Variants in MRPS27 observed in about 807,000 individuals in gnomAD.
The protein encoded by MRPS27 is small ribosomal subunit protein mS27.
Under a neutral mutation model 48.9 loss-of-function variants are expected in MRPS27, and 43 were observed. That is an observed-to-expected ratio of 0.88 (90% CI 0.69 to 1.13). MRPS27 has a LOEUF of 1.13. Ranked by LOEUF, MRPS27 falls within the 50% of genes most tolerant of loss-of-function variation. The pLI, the probability that MRPS27 is intolerant of heterozygous loss-of-function variation, is 0.00. For missense variants in MRPS27, 467 were observed against 476.3 expected (o/e 0.98, Z 0.18); for synonymous variants, 188 against 171.9 (o/e 1.09, Z -0.73).
chr5:72,263,622 A>G (rs2112005808), intron 4 of MRPS27, among the ~76,000 whole-genome samples: 1 of 151,842 alleles, frequency 6.6e-6, no homozygotes, highest in Admixed American at 6.6e-5. Context: ...CAAAGAAGAT[A>G]AACAACTGGC....
chr5:72,279,036 T>C (rs1469134700), intron 4 of MRPS27, among the ~76,000 whole-genome samples: 2 of 152,218 alleles, frequency 1.3e-5, no homozygotes, highest in Admixed American at 1.3e-4. Flanking sequence ...AAGATGACCA[T>C]GCCCATCCTC....
At position 72,297,666 on chromosome 5, in the gene MRPS27, C is replaced by T. The variant is rs1158231800; in HGVS notation, c.188G>A (p.Arg63Lys). The change falls in exon 3 of 11, where the codon AGA becomes AAA. Residue 63 changes from arginine (R) to lysine (K), a missense_variant. Coordinates refer to ENST00000261413, the MANE Select transcript of MRPS27 (RefSeq NM_015084.3). The part of the protein sequence containing the change: ...LASLMDKTFE[R>K]KLPVSSLTIS... ...TGTTAAAGAACTAACAGGCAACTTT[C>T]TCTCAAATGTTTTATCCATTAAAGA... 18 of 1,602,910 alleles carry T rather than the reference C, an allele frequency of 1.1e-5. No individual in the cohort carries two copies. Among genetic ancestry groups the T allele is most frequent in the Non-Finnish European group, 1.4e-5 (16 of 1,175,090 alleles).
At chr5:72,298,807 C>A (rs1318736161) in intron 2 of MRPS27, among the ~76,000 whole-genome samples, 3 of 151,550 alleles carry the variant, frequency 2.0e-5, no homozygotes, top group African/African-American at 7.3e-5. Context: ...AACATTCTAC[C>A]AAAAAGACAT....
chr5:72,292,203 GTTTTTTTTT>G, intron 4 of MRPS27, among the ~76,000 whole-genome samples: 2 of 92,154 alleles, frequency 2.2e-5, no homozygotes, highest in East Asian at 6.5e-4. Flanking sequence ...GGTATTACCA[GTTTTTTTTT>G]TTTTTTTTTT....
chr5:72,251,179 A>C (rs1278123583), intron 4 of MRPS27, among the ~76,000 whole-genome samples: 1 of 152,172 alleles, frequency 6.6e-6, no homozygotes, highest in Non-Finnish European at 1.5e-5. Flanking sequence ...TGTGCAGCAA[A>C]GACCTGACTG....
intron 4 of MRPS27, among the ~76,000 whole-genome samples, chr5:72,273,836 GA>G (rs975104073): frequency 6.6e-6 from 1 of 152,056 alleles, no homozygotes; most frequent in African/African-American, 2.4e-5. Flanking sequence ...TAAATTTATG[GA>G]AAGAAATTTC....
In MRPS27 at chr5:72,278,865, A is replaced by G. The variant is rs11741346; in HGVS notation, c.281+16666T>C. ...GTTGTATGGTATTCCATTGTAAAAA[A>G]AAGTCTATCACATTTTTCTTCTTTT... On this transcript the variant is annotated intron_variant, in intron 4 of 10. Coordinates refer to ENST00000261413, the MANE Select transcript of MRPS27 (RefSeq NM_015084.3). 2.4e-3 allele frequency among the ~76,000 whole-genome samples: 359 copies of G among 152,354 alleles called. 1 individual carries two copies. The highest frequency in any genetic ancestry group is 4.2e-3 in the Non-Finnish European group (284 of 68,032).
chr5:72,226,068 A>G lies in MRPS27; in HGVS notation c.826T>C (p.Cys276Arg), dbSNP rs759044166. Residue 276 changes from cysteine to arginine, a missense_variant, in exon 9 of 11, where the codon TGT becomes CGT. Transcript: ENST00000261413. ...VAASPEDIKL[C>R]REALDVLGAV... is the part of the protein sequence containing the mutation. ...GCTGAAGAACATACCGCTTCTCTAC[A>G]CAGCTTTATGTCTTCTGGGGAGGCA... The G allele has an allele frequency of 6.2e-7, 1 of 1,613,482 alleles. No individual in the cohort carries two copies. The highest frequency in any genetic ancestry group is 8.5e-7 in the Non-Finnish European group (1 of 1,179,584).
chr5:72,296,007 C>T (rs1164882131), intron 3 of MRPS27, among the ~76,000 whole-genome samples: 1 of 151,986 alleles, frequency 6.6e-6, no homozygotes, highest in Non-Finnish European at 1.5e-5. Flanking sequence ...AAAACTATTG[C>T]CCAGAACATA....
chr5:72,250,732 AAC>A (rs1748642889), intron 4 of MRPS27, among the ~76,000 whole-genome samples: 1 of 152,206 alleles, frequency 6.6e-6, no homozygotes, highest in South Asian at 2.1e-4. Flanking sequence ...TTTGGAACCA[AAC>A]ACAGTAAAAA....
intron 4 of MRPS27, among the ~76,000 whole-genome samples, chr5:72,293,236 A>G (rs1679048660): frequency 6.6e-6 from 1 of 152,180 alleles, no homozygotes; most frequent in Admixed American, 6.5e-5. Context: ...AGCTTTGTAG[A>G]GTTCTACCTA....
In MRPS27 at chr5:72,232,399, C is replaced by T. The variant is rs186245512; in HGVS notation, c.591+44G>A. The T allele has an allele frequency of 1.2e-5, 17 of 1,458,686 alleles. 1 individual carries two copies. The East Asian group carries it at 2.1e-4, about 18-fold the overall frequency. 90.4% of individuals were successfully genotyped at this position (1,458,686 alleles called of 1,614,324 possible). A position where few individuals can be genotyped will look rare whatever the true frequency, so the allele number is the denominator to read the frequency against. On this transcript the variant is annotated intron_variant, in intron 7 of 10. Coordinates refer to ENST00000261413, the MANE Select transcript of MRPS27 (RefSeq NM_015084.3). ...GCTTTTGAGAGCAAGCCCCTGCTTG[C>T]CTTTTCTAAAGTTCTTAATACTGCT... is the stretch of plus-strand genomic sequence containing the variant.
chr5:72,269,865 TA>T (rs966652868), intron 4 of MRPS27, among the ~76,000 whole-genome samples: 37 of 150,748 alleles, frequency 2.5e-4, no homozygotes, highest in East Asian at 2.1e-3. Context: ...ATAAAAGCCA[TA>T]AAAAAAAAGA....
intron 7 of MRPS27, among the ~76,000 whole-genome samples, chr5:72,232,118 G>T (rs1748077970): frequency 6.6e-6 from 1 of 152,126 alleles, no homozygotes; most frequent in South Asian, 2.1e-4. Flanking sequence ...CCAGGTAATG[G>T]TCAACGTTAG....
intron 4 of MRPS27, among the ~76,000 whole-genome samples, chr5:72,245,783 A>AT (rs1748497093): frequency 6.6e-6 from 1 of 152,154 alleles, no homozygotes; most frequent in Non-Finnish European, 1.5e-5. Context: ...ATGTGTTTGT[A>AT]TGTGAGATTA....
rs117737627 is a variant in MRPS27, at chr5:72,314,116, T to C, written c.116A>G (p.Lys39Arg). Residue 39 changes from lysine (K) to arginine (R), a missense_variant, in exon 2 of 11, where the codon AAA becomes AGA. Physicochemically the swap from Lys to Arg is conservative, Grantham distance 26 (BLOSUM62 2). Transcript: ENST00000261413. The part of the protein sequence containing the change: ...LLSSAYVDSH[K>R]WEAREKEHYC... Reference sequence around the variant, plus strand: ...ATGTTCTTTTTCTCTTGCTTCCCATTTGTGGCTGTCTACATAGGCTGAAGA... The same window carrying C: ...ATGTTCTTTTTCTCTTGCTTCCCATCTGTGGCTGTCTACATAGGCTGAAGA... 5.2e-5 allele frequency: 84 copies of C among 1,613,264 alleles called. 2 individuals are homozygous for C. The East Asian group carries it at 1.7e-3, about 33-fold the overall frequency.
intron 6 of MRPS27, among the ~76,000 whole-genome samples, chr5:72,233,013 C>A (rs999480401): frequency 1.3e-5 from 2 of 152,148 alleles, no homozygotes; most frequent in Non-Finnish European, 2.9e-5. Flanking sequence ...GTCACCCTGA[C>A]AGGCAGAGCA....
At chr5:72,317,459 G>T (rs1420524331) in intron 1 of MRPS27, among the ~76,000 whole-genome samples, 2 of 148,674 alleles carry the variant, frequency 1.3e-5, no homozygotes, top group Non-Finnish European at 3.0e-5. Flanking sequence ...ACTGCAACCG[G>T]AAGGCGGAGG....
At chr5:72,236,700 C>T (rs1467839113) in intron 5 of MRPS27, among the ~76,000 whole-genome samples, 1 of 151,964 alleles carries the variant, frequency 6.6e-6, no homozygotes, top group East Asian at 1.9e-4. Context: ...TACCTTATAC[C>T]CCAGGAAAAA....
Sources: gnomAD v4.1 joint callset for allele counts (sites outside exome capture counted in the v4.1 genomes callset) on GRCh38, gnomAD v4.1.1 for gene constraint, MANE v1.5 for transcripts, NCBI Gene and HGNC (gene_info 2026-07-23, HGNC 2026-07-21) for gene names.